The following RRAGB variants were observed in gnomAD, a reference collection of about 807,000 sequenced individuals.
RRAGB encodes Ras related GTP binding B.
RRAGB carries 6 observed loss-of-function variants against 29.3 expected under a neutral mutation model. The observed-to-expected ratio is 0.21, with a 90% confidence interval of 0.11 to 0.40. The LOEUF (loss-of-function observed/expected upper bound fraction) is 0.40. Ranked by LOEUF, RRAGB falls within the 10% of genes least tolerant of loss-of-function variation. The pLI is 1.00. For synonymous variants in RRAGB, 101 were observed against 92.5 expected (o/e 1.09, Z -0.53); for missense variants, 184 against 272.9 (o/e 0.67, Z 2.29).
intron 7 of RRAGB, among the ~76,000 whole-genome samples, chrX:55,754,209 A>G (rs1467335366): frequency 1.8e-5 from 2 of 112,949 alleles, no homozygotes; most frequent in Admixed American, 1.9e-4. Context: ...CTTTTAATGT[A>G]GAAGAGATGT....
In RRAGB at chrX:55,754,540, C is replaced by A. The variant is rs376604021; in HGVS notation, c.735+1026C>A. On this transcript the variant is annotated intron_variant, in intron 7 of 9. Coordinates refer to ENST00000374941, the MANE Select transcript of RRAGB (RefSeq NM_006064.5). ...ATGCTTGGTGATTTTAGAAACAATTCTTAATCTCTAGGGGCTTGTTTTCCT... is the reference window on the plus strand; with the variant it reads ...ATGCTTGGTGATTTTAGAAACAATTATTAATCTCTAGGGGCTTGTTTTCCT... Among the ~76,000 whole-genome samples the A allele has an allele frequency of 5.3e-4, 60 of 112,256 alleles. No individual in the cohort carries two copies. In the South Asian group the frequency reaches 0.021, roughly 39 times the overall value.
chrX:55,754,529 T>C (rs1188329706), intron 7 of RRAGB, among the ~76,000 whole-genome samples: 1 of 112,552 alleles, frequency 8.9e-6, no homozygotes, highest in African/African-American at 3.2e-5. Context: ...TTGGTGATTT[T>C]AGAAACAATT....
At chrX:55,752,149 C>A in intron 6 of RRAGB, 1 of 603,483 alleles carries the variant, frequency 1.7e-6, no homozygotes, top group Non-Finnish European at 2.0e-6. Flanking sequence ...CCCAGCCTCA[C>A]TCTAATAACA....
Position 55,738,387 on chromosome X carries a change from C to T in RRAGB, c.516+6801C>T, listed in dbSNP as rs1172714389. Among the ~76,000 whole-genome samples, 3 of 112,033 alleles carry T rather than the reference C, an allele frequency of 2.7e-5. No homozygotes were observed. The Admixed American group carries it at 2.8e-4, about 11-fold the overall frequency. ...CAGAGGGGGACAATGTTGAGTGGAT[C>T]TGGACCAAGCTGTCCTGCCCTCTGG... On this transcript the variant is annotated intron_variant, in intron 5 of 9. Transcript: ENST00000374941.
chrX:55,748,932 G>A (rs1257769247), intron 5 of RRAGB, among the ~76,000 whole-genome samples: 10 of 96,472 alleles, frequency 1.0e-4, no homozygotes, highest in Non-Finnish European at 1.7e-4. Context: ...CCCCCCGCCC[G>A]GCCAGCTGCC....
chrX:55,746,462 G>A (rs751374773), intron 5 of RRAGB, among the ~76,000 whole-genome samples: 23 of 111,433 alleles, frequency 2.1e-4, no homozygotes, highest in African/African-American at 5.9e-4. Context: ...AACTACTCCC[G>A]TCGCATTTAG....
chrX:55,740,919 G>T (rs776478184), intron 5 of RRAGB, among the ~76,000 whole-genome samples: 1 of 110,970 alleles, frequency 9.0e-6, no homozygotes, highest in Non-Finnish European at 1.9e-5. Context: ...CTCTGAGCCA[G>T]TTGTCACCAG....
intron 5 of RRAGB, 191 bp downstream of exon 5, chrX:55,731,777 G>A (rs2033688826): frequency 2.6e-6 from 1 of 386,412 alleles, no homozygotes; most frequent in Non-Finnish European, 4.4e-6. Flanking sequence ...AGATTTATTA[G>A]TAAATAATTT....
intron 4 of RRAGB, 58 bp from the exon 5 acceptor site, chrX:55,731,306 A>G (rs1276989046): frequency 1.1e-6 from 1 of 879,225 alleles, no homozygotes; most frequent in African/African-American, 2.0e-5. Flanking sequence ...AAAATAGGCT[A>G]TAAGTAGGAG....
chrX:55,740,218 G>A (rs2034009587), intron 5 of RRAGB, among the ~76,000 whole-genome samples: 1 of 110,831 alleles, frequency 9.0e-6, no homozygotes, highest in Non-Finnish European at 1.9e-5. Flanking sequence ...AGCTACTCGG[G>A]AGGCTGAGGC....
intron 8 of RRAGB, 143 bp downstream of exon 8, chrX:55,756,075 C>A: frequency 2.4e-6 from 1 of 419,414 alleles, no homozygotes; most frequent in Non-Finnish European, 4.1e-6. Context: ...TCTAAGGGGC[C>A]TCCAGTTGAC....
At chrX:55,742,999 C>T (rs2034132339) in intron 5 of RRAGB, among the ~76,000 whole-genome samples, 1 of 111,445 alleles carries the variant, frequency 9.0e-6, no homozygotes, top group South Asian at 3.9e-4. Flanking sequence ...TGCCTAGCCT[C>T]GTTGAAATCC....
chrX:55,751,921 C>T (rs560092831), intron 6 of RRAGB, among the ~76,000 whole-genome samples: 1 of 110,999 alleles, frequency 9.0e-6, no homozygotes, highest in East Asian at 2.8e-4. Context: ...CCCTTCCCTT[C>T]AGACTGCTTC....
intron 5 of RRAGB, 89 bp from the exon 6 acceptor site, chrX:55,751,012 C>T (rs950774223): frequency 5.5e-5 from 30 of 545,844 alleles, no homozygotes; most frequent in Non-Finnish European, 7.3e-5. Flanking sequence ...ACAAAAGCTC[C>T]TGGTTAAAAT....
chrX:55,718,789 A>G (rs1353613297), intron 1 of RRAGB, among the ~76,000 whole-genome samples: 1 of 111,431 alleles, frequency 9.0e-6, no homozygotes, highest in African/African-American at 3.3e-5. Context: ...TTCTGTGCCA[A>G]TTTGTACCTG....
intron 6 of RRAGB, chrX:55,751,506 G>A: frequency 1.1e-5 from 2 of 179,062 alleles, no homozygotes; most frequent in South Asian, 3.6e-4. Flanking sequence ...ATTTTGACCT[G>A]TTGTGGTCTC....
chrX:55,727,437 G>A, intron 3 of RRAGB: 1 of 590,447 alleles, frequency 1.7e-6, no homozygotes, highest in East Asian at 3.3e-5. Context: ...AAGGGGAGAA[G>A]GGAAGTAGTT....
At chrX:55,725,324 G>A (rs1345180887) in intron 3 of RRAGB, among the ~76,000 whole-genome samples, 1 of 111,870 alleles carries the variant, frequency 8.9e-6, no homozygotes, top group Non-Finnish European at 1.9e-5. Flanking sequence ...GGTAGTGAAA[G>A]TATACTTTAA....
At chrX:55,749,155 C>T (rs1173653766) in intron 5 of RRAGB, among the ~76,000 whole-genome samples, 2 of 96,159 alleles carry the variant, frequency 2.1e-5, no homozygotes, top group Non-Finnish European at 4.2e-5. Context: ...AGTCCCTCTG[C>T]CCGGCCAGCC....
Sources: gnomAD v4.1 joint callset for allele counts (sites outside exome capture counted in the v4.1 genomes callset) on GRCh38, gnomAD v4.1.1 for gene constraint, MANE v1.5 for transcripts, NCBI Gene and HGNC (gene_info 2026-07-23, HGNC 2026-07-21) for gene names.